The following GSK3B variants were observed in gnomAD, a reference collection of about 807,000 sequenced individuals.
The protein encoded by GSK3B is glycogen synthase kinase-3 beta.
Under a neutral mutation model 56.4 loss-of-function variants are expected in GSK3B, and 15 were observed. The observed-to-expected ratio is 0.27, with a 90% CI of 0.18 to 0.41. The LOEUF is 0.41. GSK3B is among the 10% of genes least tolerant of loss of function. GSK3B has a pLI of 1.00. For missense variants in GSK3B, 300 were observed against 513.4 expected (o/e 0.58, Z 4.02); for synonymous variants, 181 against 188.9 (o/e 0.96, Z 0.34).
In GSK3B at chr3:120,021,002, C is replaced by A. The variant is rs557207496; in HGVS notation, c.89-18763G>T. Among the ~76,000 whole-genome samples, 5 of 152,280 alleles carry A rather than the reference C, an allele frequency of 3.3e-5. No homozygotes were observed. In the South Asian group the frequency reaches 6.2e-4, roughly 19 times the overall value. ...AGCCTAAACCAGAGCAAGGCCGGAA[C>A]CCTCTTCAATTCTCTGAAGGCCGAC... On this transcript the variant is annotated intron_variant, in intron 1 of 10. Coordinates refer to ENST00000264235, the MANE Select transcript of GSK3B (RefSeq NM_001146156.2).
chr3:120,083,138 G>A, intron 1 of GSK3B, among the ~76,000 whole-genome samples: 1 of 151,978 alleles, frequency 6.6e-6, no homozygotes, highest in East Asian at 1.9e-4. Flanking sequence ...TGCCCTTTTG[G>A]AACAAATATG....
At chr3:119,918,208 C>A (rs1204090188) in intron 4 of GSK3B, among the ~76,000 whole-genome samples, 1 of 152,042 alleles carries the variant, frequency 6.6e-6, no homozygotes, top group Non-Finnish European at 1.5e-5. Flanking sequence ...CGGTGGCTCA[C>A]ACCTATAACC....
At chr3:119,929,086 G>A (rs1301122026) in intron 3 of GSK3B, among the ~76,000 whole-genome samples, 1 of 152,130 alleles carries the variant, frequency 6.6e-6, no homozygotes, top group Admixed American at 6.5e-5. Flanking sequence ...TGTAAAGTAA[G>A]AGATAAGATG....
At chr3:119,984,578 T>G (rs1474782151) in intron 2 of GSK3B, among the ~76,000 whole-genome samples, 1 of 152,146 alleles carries the variant, frequency 6.6e-6, no homozygotes, top group African/African-American at 2.4e-5. Context: ...CAGAGAATAC[T>G]ATAAACACCT....
In GSK3B at chr3:119,967,531, T is replaced by C. The variant is rs898831921; in HGVS notation, c.283-20180A>G. ...TACAAAGACAAAGTAATCAAGACAGTGTGGTACTGGCATAAGGACATATGT... is the reference window on the plus strand; with the variant it reads ...TACAAAGACAAAGTAATCAAGACAGCGTGGTACTGGCATAAGGACATATGT... On this transcript the variant is annotated intron_variant, in intron 2 of 10. Coordinates refer to ENST00000264235, the MANE Select transcript of GSK3B (RefSeq NM_001146156.2). Among the ~76,000 whole-genome samples the C allele has an allele frequency of 5.9e-5, 9 of 152,158 alleles. No individual in the cohort carries two copies. The East Asian group carries it at 1.7e-3, about 29-fold the overall frequency.
intron 4 of GSK3B, among the ~76,000 whole-genome samples, chr3:119,921,253 T>C (rs2056837470): frequency 6.6e-6 from 1 of 152,204 alleles, no homozygotes; most frequent in Non-Finnish European, 1.5e-5. Context: ...ATAAACTATA[T>C]CTCAGGGCAC....
At chr3:120,024,198 C>T (rs181103744) in intron 1 of GSK3B, among the ~76,000 whole-genome samples, 6 of 152,022 alleles carry the variant, frequency 3.9e-5, no homozygotes, top group East Asian at 1.9e-4. Flanking sequence ...TAGCCAGGCA[C>T]GGTGGCACAC....
In GSK3B at chr3:119,976,130, G is replaced by A. The variant is rs528386497; in HGVS notation, c.282+25916C>T. ...ACATTGTTGGGGGATTGCTGCTTTA[G>A]AAAATAGGTACAGCTGCTTTAGAAA... is the stretch of plus-strand genomic sequence containing the variant. On this transcript the variant is annotated intron_variant, in intron 2 of 10. Coordinates refer to ENST00000264235, the MANE Select transcript of GSK3B (RefSeq NM_001146156.2). Among the ~76,000 whole-genome samples, 3 of 152,276 alleles carry A rather than the reference G, an allele frequency of 2.0e-5. No individual in the cohort carries two copies. The East Asian group carries it at 5.8e-4, about 29-fold the overall frequency.
intron 1 of GSK3B, among the ~76,000 whole-genome samples, chr3:120,018,170 C>T (rs116529891): frequency 0.017 from 2,620 of 152,210 alleles, 80 homozygotes; most frequent in African/African-American, 0.06. Context: ...GGAGGAAGAA[C>T]CAGTACTAAA....
At chr3:119,849,255 G>T (rs1039152139) in intron 9 of GSK3B, among the ~76,000 whole-genome samples, 1 of 152,170 alleles carries the variant, frequency 6.6e-6, no homozygotes, top group African/African-American at 2.4e-5. Flanking sequence ...TATTGAACAT[G>T]AAATGTGTAA....
At chr3:119,839,253 GA>G (rs1427312535) in intron 10 of GSK3B, among the ~76,000 whole-genome samples, 1 of 152,120 alleles carries the variant, frequency 6.6e-6, no homozygotes, top group African/African-American at 2.4e-5. Flanking sequence ...TTAAATATCT[GA>G]AAGCCATTTA....
At chr3:120,028,938 C>A (rs181902660) in intron 1 of GSK3B, 101 of 553,204 alleles carry the variant, frequency 1.8e-4, no homozygotes, top group African/African-American at 1.8e-3. Context: ...CAGACACAGG[C>A]ACAAGTGGTG....
chr3:119,834,217 C>T (rs72967126), intron 10 of GSK3B, among the ~76,000 whole-genome samples: 1,842 of 152,182 alleles, frequency 0.012, 31 homozygotes, highest in African/African-American at 0.042. Flanking sequence ...CAAGCTGTTC[C>T]AAGTGGAAAT....
intron 2 of GSK3B, among the ~76,000 whole-genome samples, chr3:119,951,339 A>G (rs2057154514): frequency 6.6e-6 from 1 of 152,260 alleles, no homozygotes; most frequent in Non-Finnish European, 1.5e-5. Context: ...TGGGAGGTTC[A>G]GGCGGGCAGA....
chr3:120,080,827 C>A (rs2058412780), intron 1 of GSK3B, among the ~76,000 whole-genome samples: 1 of 150,324 alleles, frequency 6.7e-6, no homozygotes, highest in African/African-American at 2.5e-5. Flanking sequence ...AAGACTCAGT[C>A]TCAAAAAAAA....
At chr3:120,060,268 G>A (rs79729654) in intron 1 of GSK3B, among the ~76,000 whole-genome samples, 15,834 of 152,110 alleles carry the variant, frequency 0.1, 941 homozygotes, top group African/African-American at 0.16. Context: ...AACAGCTGCC[G>A]ATTTTTTTAA....
chr3:120,028,775 C>T, intron 1 of GSK3B: 1 of 470,748 alleles, frequency 2.1e-6, no homozygotes, highest in Non-Finnish European at 4.2e-6. Context: ...GAGGTTGGGG[C>T]AGCGACCAGG....
intron 1 of GSK3B, among the ~76,000 whole-genome samples, chr3:120,009,613 T>G (rs751106633): frequency 2.0e-5 from 3 of 152,036 alleles, no homozygotes; most frequent in Non-Finnish European, 4.4e-5. Flanking sequence ...CACCGCATGT[T>G]CTCACTCATA....
At chr3:120,025,704 A>T (rs1267266234) in intron 1 of GSK3B, among the ~76,000 whole-genome samples, 1 of 152,198 alleles carries the variant, frequency 6.6e-6, no homozygotes, top group Non-Finnish European at 1.5e-5. Flanking sequence ...GATAAAAAAG[A>T]GTCTACCAGG....
Sources: allele counts gnomAD v4.1 joint callset (sites outside exome capture counted in the v4.1 genomes callset), GRCh38; gene constraint gnomAD v4.1.1; transcripts MANE v1.5; gene names NCBI Gene and HGNC (gene_info 2026-07-23, HGNC 2026-07-21).